The following DERA variants were observed in gnomAD, a reference collection of about 807,000 sequenced individuals.
DERA encodes deoxyribose-phosphate aldolase.
Under a neutral mutation model 41.1 loss-of-function variants are expected in DERA, and 15 were observed. The ratio of observed to expected loss-of-function variants is 0.37; its 90% CI spans 0.24 to 0.56. The LOEUF (loss-of-function observed/expected upper bound fraction) is 0.56, where lower values mean the gene tolerates loss of function less well. DERA is among the 20% of genes least tolerant of loss of function. The probability of loss-of-function intolerance (pLI) is 0.81; values close to 1 mark genes in which losing one functional copy is unlikely to be tolerated. For missense variants in DERA, 396 were observed against 403.4 expected (o/e 0.98, Z 0.16); for synonymous variants, 139 against 137.4 (o/e 1.01, Z -0.08).
At chr12:15,950,110 G>T (rs1051179777) in intron 1 of DERA, among the ~76,000 whole-genome samples, 4 of 152,098 alleles carry the variant, frequency 2.6e-5, no homozygotes, top group African/African-American at 9.7e-5. Context: ...CCCAAGAGAG[G>T]GTTCTTGGAT....
rs1168558450 is a variant in DERA, at chr12:15,935,350, G to A, written c.32-21586G>A. On this transcript the variant is annotated intron_variant, in intron 1 of 8. Coordinates refer to ENST00000428559, the MANE Select transcript of DERA (RefSeq NM_015954.4). The surrounding 1 kb of genome is among the most constrained non-coding windows in gnomAD (Gnocchi z 4.8). ...AAAAATATAAAAATTAGCCAGGTGT[G>A]GTGGCATCCACCTGTAGTCCTACCT... Among the ~76,000 whole-genome samples, 2 of 152,028 alleles carry A rather than the reference G, an allele frequency of 1.3e-5. No individual in the cohort carries two copies. Among genetic ancestry groups the A allele is most frequent in the Non-Finnish European group, 2.9e-5 (2 of 67,986 alleles).
chr12:15,955,129 GTC>G (rs936057578), intron 1 of DERA, among the ~76,000 whole-genome samples: 2 of 151,958 alleles, frequency 1.3e-5, no homozygotes, highest in African/African-American at 4.8e-5. Flanking sequence ...GTGAAACCCT[GTC>G]TCTATTAAAA....
chr12:15,977,952 T>A (rs924307446), intron 5 of DERA, among the ~76,000 whole-genome samples: 1 of 152,216 alleles, frequency 6.6e-6, no homozygotes, highest in Non-Finnish European at 1.5e-5. Context: ...ACTTATTGCT[T>A]CACTTGTAAT....
intron 5 of DERA, among the ~76,000 whole-genome samples, chr12:15,969,704 C>G (rs1017362859): frequency 6.6e-6 from 1 of 152,114 alleles, no homozygotes; most frequent in African/African-American, 2.4e-5. Context: ...ATCCTAAAGA[C>G]CTTGAATCAG....
intron 1 of DERA, chr12:15,956,449 G>C (rs905625904): frequency 2.9e-5 from 7 of 238,046 alleles, no homozygotes; most frequent in Non-Finnish European, 5.8e-5. Context: ...GCTGTATCCT[G>C]TCAGCATGCA....
rs1948755164 is a variant in DERA, at chr12:15,985,020, CA to C, written c.637+2585del. Reference sequence around the variant, plus strand: ...AGGCAGATTTGCATTCAGTAAAATTCAGGTGTTAGATAGACAGTGTGATGAG... The same window carrying C: ...AGGCAGATTTGCATTCAGTAAAATTCGGTGTTAGATAGACAGTGTGATGAG... On this transcript the variant is annotated intron_variant, in intron 6 of 8. Transcript: ENST00000428559. The surrounding 1 kb of genome is among the most constrained non-coding windows in gnomAD (Gnocchi z 4.2). Among the ~76,000 whole-genome samples the C allele has an allele frequency of 6.6e-6, 1 of 152,144 alleles. No homozygotes were observed. The highest frequency in any genetic ancestry group is 6.5e-5 in the Admixed American group (1 of 15,278).
In DERA at chr12:16,008,010, G is replaced by T. The variant is rs1251142008; in HGVS notation, c.638-24532G>T. On this transcript the variant is annotated intron_variant, in intron 6 of 8. Coordinates refer to ENST00000428559, the MANE Select transcript of DERA (RefSeq NM_015954.4). The surrounding 1 kb of genome is among the most constrained non-coding windows in gnomAD (Gnocchi z 4.8). The stretch of plus-strand genomic sequence containing the variant: ...AGATTACAGGTGTGTGCCACTGTGT[G>T]CCCGGCTAATTTTTGTATTTTTAGT... Among the ~76,000 whole-genome samples the T allele has an allele frequency of 6.6e-6, 1 of 152,032 alleles. No homozygotes were observed. Among genetic ancestry groups the T allele is most frequent in the African/African-American group, 2.4e-5 (1 of 41,416 alleles).
chr12:15,997,401 T>A (rs1425463020), intron 6 of DERA, among the ~76,000 whole-genome samples: 3 of 152,076 alleles, frequency 2.0e-5, no homozygotes, highest in African/African-American at 7.2e-5. Flanking sequence ...TGGAAAGATA[T>A]GTTAACAGGG....
At chr12:16,007,970 C>T (rs1442497822) in intron 6 of DERA, among the ~76,000 whole-genome samples, 1 of 152,156 alleles carries the variant, frequency 6.6e-6, no homozygotes, top group African/African-American at 2.4e-5. Context: ...CATGCCTCAG[C>T]CTCCCTAGTA....
At chr12:16,030,309 A>G (rs2136189158) in intron 6 of DERA, among the ~76,000 whole-genome samples, 1 of 152,254 alleles carries the variant, frequency 6.6e-6, no homozygotes, top group East Asian at 1.9e-4. Flanking sequence ...TATTATACCC[A>G]AAAGCCTTCT....
rs57467406 is a variant in DERA, at chr12:15,989,915, A to G, written c.637+7479A>G. On this transcript the variant is annotated intron_variant, in intron 6 of 8. Transcript: ENST00000428559. This position sits in a 1 kb window ranked among gnomAD's most constrained non-coding sequence, Gnocchi z 5.2. Reference sequence around the variant, plus strand: ...TTTAATCTTGTTTAGAAATCTTTCAAAATGTTTTAGAGCAAGGAACACAGT... The same window carrying G: ...TTTAATCTTGTTTAGAAATCTTTCAGAATGTTTTAGAGCAAGGAACACAGT... Among the ~76,000 whole-genome samples, 9,823 of 152,216 alleles carry G rather than the reference A, an allele frequency of 0.065. 1,018 individuals are homozygous for G. The highest frequency in any genetic ancestry group is 0.22 in the African/African-American group (9,044 of 41,500).
rs1385843793 is a variant in DERA at position 15,928,834 on chromosome 12, G to A, written c.31+17420G>A. Among the ~76,000 whole-genome samples the A allele has an allele frequency of 6.6e-5, 10 of 152,212 alleles. No individual in the cohort carries two copies. Among genetic ancestry groups the A allele is most frequent in the Non-Finnish European group, 1.2e-4 (8 of 68,034 alleles). Reference sequence around the variant, plus strand: ...AAATGTTTAACCAAAGGGAATATTTGGTTGTGGGGAGCCTTTTGGGTGTCC... The same window carrying A: ...AAATGTTTAACCAAAGGGAATATTTAGTTGTGGGGAGCCTTTTGGGTGTCC... On this transcript the variant is annotated intron_variant, in intron 1 of 8. Transcript: ENST00000428559. The surrounding 1 kb of genome is among the most constrained non-coding windows in gnomAD (Gnocchi z 4.6).
rs537204782 is a variant in DERA at position 15,973,439 on chromosome 12, C to G, written c.509-8869C>G. 8.1e-4 allele frequency among the ~76,000 whole-genome samples: 124 copies of G among 152,280 alleles called. 1 individual carries two copies. The highest frequency in any genetic ancestry group is 2.4e-3 in the African/African-American group (101 of 41,566). On this transcript the variant is annotated intron_variant, in intron 5 of 8. Coordinates refer to ENST00000428559, the MANE Select transcript of DERA (RefSeq NM_015954.4). The stretch of plus-strand genomic sequence containing the variant: ...GTCAGGCATCTTTGATAATATATGG[C>G]AAGAATTGCTTTTTTTATAATAGAG...
In DERA at chr12:15,941,170, C is replaced by G. The variant is rs1948405767; in HGVS notation, c.32-15766C>G. ...GCAAGGAACCTAGTGATTTCCCGTA[C>G]ATATTTCATGTTCACCTAATCTACA... On this transcript the variant is annotated intron_variant, in intron 1 of 8. Coordinates refer to ENST00000428559, the MANE Select transcript of DERA (RefSeq NM_015954.4). This position sits in a 1 kb window ranked among gnomAD's most constrained non-coding sequence, Gnocchi z 4.5. Among the ~76,000 whole-genome samples, 1 of 152,146 alleles carries G rather than the reference C, an allele frequency of 6.6e-6. No individual in the cohort carries two copies. The highest frequency in any genetic ancestry group is 2.1e-4 in the South Asian group (1 of 4,828).
chr12:16,004,736 G>A lies in DERA; in HGVS notation c.637+22300G>A, dbSNP rs927874764. Among the ~76,000 whole-genome samples, 1 of 152,072 alleles carries A rather than the reference G, an allele frequency of 6.6e-6. No individual in the cohort carries two copies. The highest frequency in any genetic ancestry group is 6.6e-5 in the Admixed American group (1 of 15,262). On this transcript the variant is annotated intron_variant, in intron 6 of 8. Transcript: ENST00000428559. The surrounding 1 kb of genome is among the most constrained non-coding windows in gnomAD (Gnocchi z 4.2). ...TTACATTCTTTTTTCAAAAACCAAG[G>A]TGGATTATGTTTATTAAATGTTTTT...
chr12:15,982,540 G>A lies in DERA; in HGVS notation c.637+104G>A. The A allele has an allele frequency of 7.8e-7, 1 of 1,287,846 alleles. No individual in the cohort carries two copies. The highest frequency in any genetic ancestry group is 1.7e-5 in the South Asian group (1 of 58,454). 79.8% of individuals were successfully genotyped at this position (1,287,846 alleles called of 1,614,324 possible). ...CTATTATTAAACGTGCTAACCACTT[G>A]GAATTTTTTTGCGGGAGGAATCGGA... On this transcript the variant is annotated intron_variant, in intron 6 of 8. Coordinates refer to ENST00000428559, the MANE Select transcript of DERA (RefSeq NM_015954.4). This position sits in a 1 kb window ranked among gnomAD's most constrained non-coding sequence, Gnocchi z 4.0.
chr12:15,975,834 C>T (rs12368626), intron 5 of DERA, among the ~76,000 whole-genome samples: 94,837 of 152,112 alleles, frequency 0.62, 29,927 homozygotes, highest in East Asian at 0.82. Context: ...ATGTTTCAGG[C>T]GTATCTTTGA....
At position 16,026,894 on chromosome 12, in the gene DERA, A is replaced by T. The variant is rs1949056995; in HGVS notation, c.638-5648A>T. ...AGATGAACATCTTTAATGAACATACATATAAAAATCCTTAACAAAATATTA... is the reference window on the plus strand; with the variant it reads ...AGATGAACATCTTTAATGAACATACTTATAAAAATCCTTAACAAAATATTA... On this transcript the variant is annotated intron_variant, in intron 6 of 8. Coordinates refer to ENST00000428559, the MANE Select transcript of DERA (RefSeq NM_015954.4). The surrounding 1 kb of genome is among the most constrained non-coding windows in gnomAD (Gnocchi z 4.4). Among the ~76,000 whole-genome samples, 1 of 152,186 alleles carries T rather than the reference A, an allele frequency of 6.6e-6. No homozygotes were observed. Among genetic ancestry groups the T allele is most frequent in the Non-Finnish European group, 1.5e-5 (1 of 68,016 alleles).
rs1007380709 is a variant in DERA at position 15,943,560 on chromosome 12, G to T, written c.32-13376G>T. ...CCCTGTTGGCCATGGCTCACCATAT[G>T]CATTGTATTTTATATTGCCACACAG... On this transcript the variant is annotated intron_variant, in intron 1 of 8. Transcript: ENST00000428559. The surrounding 1 kb of genome is among the most constrained non-coding windows in gnomAD (Gnocchi z 4.5). 3.3e-5 allele frequency among the ~76,000 whole-genome samples: 5 copies of T among 152,102 alleles called. No homozygotes were observed. Among genetic ancestry groups the T allele is most frequent in the Non-Finnish European group, 7.4e-5 (5 of 68,014 alleles).
Sources: allele counts gnomAD v4.1 joint callset (sites outside exome capture counted in the v4.1 genomes callset), GRCh38; gene constraint gnomAD v4.1.1; non-coding constraint Gnocchi (gnomAD v3.1); transcripts MANE v1.5; gene names NCBI Gene and HGNC (gene_info 2026-07-23, HGNC 2026-07-21).